SANBR: variants seen among roughly 807,000 people sequenced by gnomAD.
The protein encoded by SANBR is SANT and BTB domain regulator of class switch recombination.
In SANBR, 77 loss-of-function variants were observed where a neutral mutation model predicts 101.8. The ratio of observed to expected loss-of-function variants is 0.76; its 90% confidence interval spans 0.63 to 0.91. The LOEUF is 0.91. Ranked by LOEUF, SANBR falls within the 40% of genes least tolerant of loss-of-function variation. The pLI is 0.00. For missense variants in SANBR, 875 were observed against 853.0 expected (o/e 1.03, Z -0.32); for synonymous variants, 279 against 274.7 (o/e 1.02, Z -0.15).
intron 16 of SANBR, among the ~76,000 whole-genome samples, chr2:61,110,553 C>T (rs1213654547): frequency 6.6e-6 from 1 of 152,192 alleles, no homozygotes; most frequent in African/African-American, 2.4e-5. Flanking sequence ...ATGACGGGTT[C>T]CTGTAATCCC....
rs769562584 is a variant in SANBR, at chr2:61,088,449, A to T, written c.1069A>T (p.Ile357Phe). The change falls in exon 10 of 22, where the codon ATT (isoleucine) becomes TTT (phenylalanine). Residue 357 changes from isoleucine (I) to phenylalanine (F), a missense_variant. Ile to Phe is a conservative substitution (Grantham distance 21). Transcript: ENST00000402291. ...AATCAATGTGGATCGACGTGGAAAT[A>T]TTGTCTATATTCACATAAGGTGTCG... ...GKINVDRRGN[I>F]VYIHIRDKTW... 1 of 1,604,470 alleles carries T rather than the reference A, an allele frequency of 6.2e-7. No homozygotes were observed. The highest frequency in any genetic ancestry group is 8.5e-7 in the Non-Finnish European group (1 of 1,173,822).
At chr2:61,119,876 C>T (rs150582443) in intron 20 of SANBR, among the ~76,000 whole-genome samples, 22 of 152,216 alleles carry the variant, frequency 1.4e-4, no homozygotes, top group East Asian at 9.7e-4. Flanking sequence ...GTAGGAGGAT[C>T]GCTTGAGCCT....
chr2:61,070,315 A>T, intron 2 of SANBR, 27 bp from the exon 3 acceptor site: 2 of 1,521,376 alleles, frequency 1.3e-6, no homozygotes, highest in Non-Finnish European at 1.8e-6. Context: ...GGGTTTAAAT[A>T]AAGCTTTTTG....
chr2:61,101,250 A>G (rs547149624), intron 12 of SANBR, among the ~76,000 whole-genome samples: 36 of 152,198 alleles, frequency 2.4e-4, no homozygotes, highest in Non-Finnish European at 4.6e-4. Flanking sequence ...CATCATTGCT[A>G]TTATGTTTGT....
At chr2:61,112,627 G>T (rs1446161545) in intron 16 of SANBR, among the ~76,000 whole-genome samples, 3 of 152,020 alleles carry the variant, frequency 2.0e-5, no homozygotes, top group Non-Finnish European at 4.4e-5. Flanking sequence ...CCGAGTAGCT[G>T]GGATTACAGG....
chr2:61,109,677 G>GTTTTTTTTTTTTTTTTTTTTTTTTTTT lies in SANBR; in HGVS notation c.1744+384_1744+385insTTTTTTTTTTTTTTTTTTTTTTTTTTT, dbSNP rs1363427197. 5.5e-5 allele frequency among the ~76,000 whole-genome samples: 6 copies of GTTTTTTTTTTTTTTTTTTTTTTTTTTT among 109,492 alleles called. 1 individual carries two copies. Among genetic ancestry groups the GTTTTTTTTTTTTTTTTTTTTTTTTTTT allele is most frequent in the Non-Finnish European group, 7.7e-5 (4 of 51,818 alleles). 71.8% of individuals were successfully genotyped at this position (109,492 alleles called of 152,430 possible). On this transcript the variant is annotated intron_variant, in intron 16 of 21. Coordinates refer to ENST00000402291, the MANE Select transcript of SANBR (RefSeq NM_001129993.3). ...TTAGTGGAAAGCATGTTTTTTTTGT[G>GTTTTTTTTTTTTTTTTTTTTTTTTTTT]TTTGTTTTTTTTTTTTTTTTTTTGA...
intron 11 of SANBR, among the ~76,000 whole-genome samples, chr2:61,095,654 T>C (rs1682994520): frequency 1.3e-5 from 2 of 152,124 alleles, no homozygotes; most frequent in Non-Finnish European, 1.5e-5. Flanking sequence ...AGAGTCCCTC[T>C]CCTCCCCGAC....
At chr2:61,069,066 A>G (rs1399471288) in intron 2 of SANBR, 81 bp downstream of exon 2, 1 of 152,348 alleles carries the variant, frequency 6.6e-6, no homozygotes, top group Non-Finnish European at 1.5e-5. Flanking sequence ...ATGTTCATTC[A>G]AATACATGTA....
downstream of SANBR, among the ~76,000 whole-genome samples, chr2:61,125,200 C>T (rs1346193864): frequency 6.6e-6 from 1 of 152,200 alleles, no homozygotes; most frequent in Non-Finnish European, 1.5e-5. Context: ...ACAACTAGCA[C>T]AGTACTTTCT....
At chr2:61,078,254 C>G (rs978624248) in intron 6 of SANBR, among the ~76,000 whole-genome samples, 2 of 152,148 alleles carry the variant, frequency 1.3e-5, no homozygotes, top group African/African-American at 4.8e-5. Context: ...CAGAAAAGTT[C>G]ACTGATACAG....
intron 8 of SANBR, among the ~76,000 whole-genome samples, chr2:61,083,713 C>T (rs1682268778): frequency 6.6e-6 from 1 of 151,876 alleles, no homozygotes; most frequent in South Asian, 2.1e-4. Context: ...ACTAAAAATA[C>T]AAAAAATTAG....
chr2:61,095,401 A>G (rs1335843544), intron 11 of SANBR, among the ~76,000 whole-genome samples: 1 of 152,186 alleles, frequency 6.6e-6, no homozygotes, highest in Non-Finnish European at 1.5e-5. Context: ...AAAATTAAAA[A>G]CCATTATGTG....
At chr2:61,068,215 A>G (rs1211575280) in intron 1 of SANBR, among the ~76,000 whole-genome samples, 1 of 152,270 alleles carries the variant, frequency 6.6e-6, no homozygotes, top group East Asian at 1.9e-4. Context: ...TTCTTTCCCC[A>G]TGTTTTCATC....
intron 20 of SANBR, among the ~76,000 whole-genome samples, chr2:61,132,096 C>T (rs925728147): frequency 2.0e-5 from 3 of 149,916 alleles, no homozygotes; most frequent in Admixed American, 6.7e-5. Flanking sequence ...GGTAAATCTT[C>T]GTGACCTTGG....
chr2:61,133,730 G>A (rs1684758274), intron 20 of SANBR, among the ~76,000 whole-genome samples: 2 of 152,176 alleles, frequency 1.3e-5, no homozygotes, highest in South Asian at 4.1e-4. Flanking sequence ...GTCCAGAATG[G>A]TCAAATATAT....
chr2:61,135,667 G>A (rs545476337), intron 21 of SANBR, among the ~76,000 whole-genome samples: 173 of 152,278 alleles, frequency 1.1e-3, no homozygotes, highest in Middle Eastern at 6.8e-3. Context: ...TCATTAGGTG[G>A]TGCTAAAAGT....
intron 13 of SANBR, 80 bp from the exon 14 acceptor site, chr2:61,106,483 C>A: frequency 1.6e-5 from 13 of 837,398 alleles, no homozygotes; most frequent in Non-Finnish European, 1.6e-5. Context: ...ATTTTTGAAA[C>A]ATTTGTAATA....
Position 61,107,885 on chromosome 2 carries a change from C to CA in SANBR, c.1612-418dup, listed in dbSNP as rs372947000. On this transcript the variant is annotated intron_variant, in intron 14 of 21. Coordinates refer to ENST00000402291, the MANE Select transcript of SANBR (RefSeq NM_001129993.3). ...TGGGTGACAGAGTGAGACTCTGTCT[C>CA]AAAAAAAAAAAAAATTCACACATTA... Among the ~76,000 whole-genome samples, 526 of 121,184 alleles carry CA rather than the reference C, an allele frequency of 4.3e-3. 1 individual carries two copies. The highest frequency in any genetic ancestry group is 0.013 in the African/African-American group (417 of 30,972). The allele number at this position is 121,184 out of a possible 152,430, so 79.5% of individuals were successfully genotyped here.
intron 3 of SANBR, 85 bp downstream of exon 3, chr2:61,070,585 A>G: frequency 7.5e-7 from 1 of 1,325,976 alleles, no homozygotes; most frequent in Non-Finnish European, 1.0e-6. Context: ...AGAGAAAAAT[A>G]TTTGAGTTTT....
Sources: allele counts gnomAD v4.1 joint callset (sites outside exome capture counted in the v4.1 genomes callset), GRCh38; gene constraint gnomAD v4.1.1; transcripts MANE v1.5; gene names NCBI Gene and HGNC (gene_info 2026-07-23, HGNC 2026-07-21).